ZNF90: variants seen among roughly 807,000 people sequenced by gnomAD.
ZNF90 encodes zinc finger protein HTF9.
In ZNF90, 11 loss-of-function variants were observed where a neutral mutation model predicts 12.0. The ratio of observed to expected loss-of-function variants is 0.92; its 90% CI spans 0.58 to 1.52. The LOEUF (loss-of-function observed/expected upper bound fraction) is 1.52. Ranked by LOEUF, ZNF90 falls within the 40% of genes most tolerant of loss-of-function variation. The pLI, the probability that ZNF90 is intolerant of heterozygous loss-of-function variation, is 0.00. For missense variants in ZNF90, 765 were observed against 711.5 expected (o/e 1.08, Z -0.86); for synonymous variants, 232 against 240.1 (o/e 0.97, Z 0.31).
chr19:20,097,126 G>T lies in ZNF90; in HGVS notation c.4-7113G>T, dbSNP rs148856128. On this transcript the variant is annotated intron_variant, in intron 1 of 3. Coordinates refer to ENST00000418063, the MANE Select transcript of ZNF90 (RefSeq NM_007138.2). ...TTCTATCTTTGCAGTCACTTAAGCA[G>T]ATTGACTATGATGCATGTCACACTT... Among the ~76,000 whole-genome samples, 708 of 152,298 alleles carry T rather than the reference G, an allele frequency of 4.6e-3. 8 individuals carry two copies. The highest frequency in any genetic ancestry group is 0.016 in the African/African-American group (668 of 41,552).
At chr19:20,117,036 TGTGTGTGTGTGAGA>T (rs1267126447) in intron 3 of ZNF90, among the ~76,000 whole-genome samples, 9 of 144,196 alleles carry the variant, frequency 6.2e-5, no homozygotes, top group East Asian at 2.0e-4. Context: ...TGTGTGTGTG[TGTGTGTGTGTGAGA>T]GAGAGAGAGA....
intron 3 of ZNF90, among the ~76,000 whole-genome samples, chr19:20,110,204 G>A (rs1555704929): frequency 6.6e-6 from 1 of 152,044 alleles, no homozygotes; most frequent in East Asian, 1.9e-4. Flanking sequence ...ATTGCTTTGG[G>A]CTTTTGGCTT....
chr19:20,117,425 T>TTCCTTCCTTCCTTCCTTCCC, intron 3 of ZNF90: 1 of 151,826 alleles, frequency 6.6e-6, no homozygotes, highest in Admixed American at 6.6e-5. Flanking sequence ...CCTTCCTTTC[T>TTCCTTCCTTCCTTCCTTCCC]TCCTTCCCTC....
In ZNF90 at chr19:20,118,145, A is replaced by G; in HGVS notation, c.591A>G (p.Gly197=). Residue 197 remains glycine, a synonymous_variant, in exon 4 of 4, where the codon GGA becomes GGG. Coordinates refer to ENST00000418063, the MANE Select transcript of ZNF90 (RefSeq NM_007138.2). ...CTACACATAAGAAAATTCATACTGG[A>G]GAGATAACCTGCAAATGTGAAGAAT... is the stretch of plus-strand genomic sequence containing the variant. ...TLATHKKIHT[G]EITCKCEECG... 1 of 1,610,906 alleles carries G rather than the reference A, an allele frequency of 6.2e-7. No individual in the cohort carries two copies. Among genetic ancestry groups the G allele is most frequent in the Non-Finnish European group, 8.5e-7 (1 of 1,178,202 alleles).
chr19:20,084,086 C>T (rs751680252), intron 1 of ZNF90, among the ~76,000 whole-genome samples: 38 of 142,710 alleles, frequency 2.7e-4, no homozygotes, highest in Non-Finnish European at 3.2e-4. Flanking sequence ...TTTTTTGAGA[C>T]GGAGTCTCCC....
intron 1 of ZNF90, among the ~76,000 whole-genome samples, chr19:20,097,597 C>T (rs1159674649): frequency 2.0e-5 from 3 of 152,146 alleles, no homozygotes; most frequent in African/African-American, 7.2e-5. Context: ...AGAGATTCTC[C>T]ACTTTCTTCT....
At chr19:20,085,684 C>G (rs2122477361) in intron 1 of ZNF90, among the ~76,000 whole-genome samples, 1 of 152,286 alleles carries the variant, frequency 6.6e-6, no homozygotes, top group South Asian at 2.1e-4. Flanking sequence ...GAGTTCAAAA[C>G]TCTTTGAAAA....
At chr19:20,117,417 TTCC>T (rs1444387147) in intron 3 of ZNF90, among the ~76,000 whole-genome samples, 2 of 147,726 alleles carry the variant, frequency 1.4e-5, no homozygotes, top group Non-Finnish European at 3.0e-5. Flanking sequence ...CCTTCCTTCC[TTCC>T]TTTCTTCCTT....
intron 1 of ZNF90, among the ~76,000 whole-genome samples, chr19:20,102,443 T>G: frequency 6.6e-6 from 1 of 152,148 alleles, no homozygotes; most frequent in East Asian, 1.9e-4. Context: ...CCCTAGCCAA[T>G]AGCAGAAAGA....
chr19:20,083,149 T>C lies in ZNF90; in HGVS notation c.3+5014T>C, dbSNP rs891464119. Among the ~76,000 whole-genome samples, 11 of 152,202 alleles carry C rather than the reference T, an allele frequency of 7.2e-5. No homozygotes were observed. In the East Asian group the frequency reaches 7.7e-4, roughly 11 times the overall value. On this transcript the variant is annotated intron_variant, in intron 1 of 3. Coordinates refer to ENST00000418063, the MANE Select transcript of ZNF90 (RefSeq NM_007138.2). ...GTAAATAACTAGGGAACTCAGAGAC[T>C]GGTGCCGGTGCCGGTCCTCCATCTG...
intron 3 of ZNF90, among the ~76,000 whole-genome samples, chr19:20,113,834 A>T (rs1038065764): frequency 9.3e-5 from 14 of 151,268 alleles, no homozygotes; most frequent in African/African-American, 2.7e-4. Context: ...TCTCAAAAAC[A>T]CTCCTAATTT....
At chr19:20,105,366 C>T in intron 3 of ZNF90, 50 bp downstream of exon 3, 1 of 1,468,668 alleles carries the variant, frequency 6.8e-7, no homozygotes, top group Non-Finnish European at 9.3e-7. Context: ...TAAGAGGTCC[C>T]AAGGTCAAAG....
chr19:20,090,266 C>T (rs577221443), intron 1 of ZNF90, among the ~76,000 whole-genome samples: 5 of 152,090 alleles, frequency 3.3e-5, no homozygotes, highest in Admixed American at 6.5e-5. Context: ...GGGGTGACTT[C>T]GTAAAGCCCT....
intron 3 of ZNF90, among the ~76,000 whole-genome samples, chr19:20,107,275 G>T (rs1180069789): frequency 1.3e-5 from 2 of 152,194 alleles, no homozygotes; most frequent in Non-Finnish European, 2.9e-5. Context: ...CTGTGGCTGG[G>T]AGGAGTTTGG....
Position 20,118,544 on chromosome 19 carries a change from A to T in ZNF90, c.990A>T (p.Thr330=). 1.2e-6 allele frequency: 2 copies of T among 1,613,698 alleles called. No homozygotes were observed. The highest frequency in any genetic ancestry group is 1.7e-6 in the Non-Finnish European group (2 of 1,179,966). Residue 330 remains threonine (T), a synonymous_variant, in exon 4 of 4, where the codon ACA becomes ACT. Coordinates refer to ENST00000418063, the MANE Select transcript of ZNF90 (RefSeq NM_007138.2). ...KAFKLSSILS[T]HKRIHTGEKP... ...TCAAGCTCTCCTCAATCCTTAGTAC[A>T]CATAAGAGAATCCATACTGGAGAGA...
intron 1 of ZNF90, among the ~76,000 whole-genome samples, chr19:20,101,220 C>G (rs1442906535): frequency 6.6e-6 from 1 of 152,202 alleles, no homozygotes; most frequent in Non-Finnish European, 1.5e-5. Context: ...TGGCTAAGTG[C>G]TCGGGTTCAT....
chr19:20,095,900 C>T (rs1412082457), intron 1 of ZNF90, among the ~76,000 whole-genome samples: 2 of 152,150 alleles, frequency 1.3e-5, no homozygotes, highest in Non-Finnish European at 2.9e-5. Flanking sequence ...GGTGAAGGAC[C>T]AAGGCAGGTG....
At chr19:20,088,211 G>A (rs577183103) in intron 1 of ZNF90, among the ~76,000 whole-genome samples, 53 of 151,994 alleles carry the variant, frequency 3.5e-4, no homozygotes, top group African/African-American at 1.3e-3. Flanking sequence ...AATTTTTGGG[G>A]GGTGGTATGG....
chr19:20,095,142 C>CA (rs2088933143), intron 1 of ZNF90, among the ~76,000 whole-genome samples: 1 of 151,792 alleles, frequency 6.6e-6, no homozygotes, highest in Non-Finnish European at 1.5e-5. Context: ...ACTGAGGGGA[C>CA]AGGCGGGAGG....
Sources: allele counts gnomAD v4.1 joint callset (sites outside exome capture counted in the v4.1 genomes callset), GRCh38; gene constraint gnomAD v4.1.1; transcripts MANE v1.5; gene names NCBI Gene and HGNC (gene_info 2026-07-23, HGNC 2026-07-21).